The following SPAG17 variants were observed in gnomAD, a reference collection of about 807,000 sequenced individuals.
SPAG17 encodes the protein sperm associated antigen 17.
In SPAG17, 169 loss-of-function variants were observed where a neutral mutation model predicts 273.6. That is an observed-to-expected ratio of 0.62 (90% CI 0.55 to 0.70). SPAG17 has a LOEUF of 0.70. Ranked by LOEUF, SPAG17 falls within the 30% of genes least tolerant of loss-of-function variation. The pLI, the probability that SPAG17 is intolerant of heterozygous loss-of-function variation, is 0.00. For missense variants in SPAG17, 2,557 were observed against 2,627.8 expected, an observed-to-expected ratio of 0.97 and a Z score of 0.59; for synonymous variants, 825 against 873.2, an observed-to-expected ratio of 0.94 and a Z score of 0.97.
intron 24 of SPAG17, among the ~76,000 whole-genome samples, chr1:118,033,378 A>G (rs1052578849): frequency 5.9e-5 from 9 of 152,200 alleles, no homozygotes; most frequent in African/African-American, 2.2e-4. Context: ...AGACATTGAG[A>G]TCATTTGCAT....
At chr1:118,106,634 A>G (rs1257452722) in intron 4 of SPAG17, among the ~76,000 whole-genome samples, 1 of 152,202 alleles carries the variant, frequency 6.6e-6, no homozygotes, top group African/African-American at 2.4e-5. Flanking sequence ...ACATACCAGA[A>G]ACTTTTACAA....
chr1:118,135,100 C>T (rs984150040), intron 3 of SPAG17, among the ~76,000 whole-genome samples: 3 of 152,154 alleles, frequency 2.0e-5, no homozygotes, highest in African/African-American at 7.2e-5. Context: ...AGAATTAGCA[C>T]ACAAATTACC....
chr1:118,047,846 C>T (rs963394815), intron 20 of SPAG17, among the ~76,000 whole-genome samples: 2 of 152,258 alleles, frequency 1.3e-5, no homozygotes, highest in South Asian at 2.1e-4. Context: ...ACAGACTCCA[C>T]AGTGCCAGGC....
At chr1:118,182,230 C>T in intron 1 of SPAG17, among the ~76,000 whole-genome samples, 1 of 151,884 alleles carries the variant, frequency 6.6e-6, no homozygotes, top group East Asian at 1.9e-4. Flanking sequence ...ACATGAAGTA[C>T]CTAAAGTAGT....
At chr1:118,000,303 T>A (rs12037931) in intron 32 of SPAG17, among the ~76,000 whole-genome samples, 67 of 152,282 alleles carry the variant, frequency 4.4e-4, no homozygotes, top group African/African-American at 1.4e-3. Context: ...CTTGGCAATG[T>A]GGGCTCTTTC....
intron 42 of SPAG17, among the ~76,000 whole-genome samples, 157 bp from the exon 43 acceptor site, chr1:117,981,558 T>C (rs1366620992): frequency 1.3e-5 from 2 of 152,216 alleles, no homozygotes; most frequent in Non-Finnish European, 2.9e-5. Flanking sequence ...AAGAAAGCCA[T>C]TAAGAGGCAG....
At chr1:118,005,739 A>T in intron 31 of SPAG17, 137 bp from the exon 32 acceptor site, 1 of 585,328 alleles carries the variant, frequency 1.7e-6, no homozygotes, top group Non-Finnish European at 2.7e-6. Flanking sequence ...ACATTAATCA[A>T]GGGAGGACTT....
chr1:118,001,396 T>C (rs776957155), intron 32 of SPAG17, among the ~76,000 whole-genome samples: 1 of 152,238 alleles, frequency 6.6e-6, no homozygotes, highest in African/African-American at 2.4e-5. Flanking sequence ...GAAGGAATGG[T>C]ACCAGGTCCT....
chr1:118,110,215 T>A (rs911093696), intron 4 of SPAG17, among the ~76,000 whole-genome samples: 4 of 152,184 alleles, frequency 2.6e-5, no homozygotes, highest in African/African-American at 9.7e-5. Flanking sequence ...AAAATTATGA[T>A]AGTCAATAAA....
rs1206938226 is a variant in SPAG17, at chr1:117,954,751, CTT to C, written c.*1-704_*1-703del. On this transcript the variant is annotated intron_variant, in intron 48 of 48. Coordinates refer to ENST00000336338, the MANE Select transcript of SPAG17 (RefSeq NM_206996.4). ...GGGAATACTTTGTCTTCAAAAGTCT[CTT>C]TTGAATCTTGGCATTCTCTAGGATA... is the stretch of plus-strand genomic sequence containing the variant. The C allele has an allele frequency of 3.9e-6, 4 of 1,033,364 alleles. No homozygotes were observed. The African/African-American group carries it at 4.9e-5, about 13-fold the overall frequency. The allele number at this position is 1,033,364 out of a possible 1,614,324, so 64.0% of individuals were successfully genotyped here. A position where few individuals can be genotyped will look rare whatever the true frequency, so the allele number is the denominator to read the frequency against.
Position 117,996,353 on chromosome 1 carries a change from C to G in SPAG17, c.5053+17G>C, listed in dbSNP as rs751963139. ...GCAAAGAGACACCGTGCATTCCAGA[C>G]AGTATGGGTCCTCTACCTGGCTGTT... On this transcript the variant is annotated intron_variant, in intron 34 of 48. Coordinates refer to ENST00000336338, the MANE Select transcript of SPAG17 (RefSeq NM_206996.4). 1.9e-5 allele frequency: 31 copies of G among 1,604,678 alleles called. No homozygotes were observed. The highest frequency in any genetic ancestry group is 2.0e-5 in the Non-Finnish European group (24 of 1,175,746).
chr1:118,099,091 C>T (rs1655895467), intron 6 of SPAG17, among the ~76,000 whole-genome samples: 1 of 152,160 alleles, frequency 6.6e-6, no homozygotes, highest in Middle Eastern at 3.4e-3. Flanking sequence ...CCTCAAGGCT[C>T]AAAATGGCTA....
Position 118,036,833 on chromosome 1 carries a change from C to A in SPAG17, c.3370G>T (p.Ala1124Ser), listed in dbSNP as rs1649146381. Residue 1124 changes from alanine to serine, a missense_variant, in exon 24 of 49, where the codon GCC becomes TCC. By Grantham distance (99) the Ala-to-Ser change is moderately conservative. Transcript: ENST00000336338. ...AGGCAGATTCCATTTTCTAAGGTGG[C>A]AGAAAAAGATCCAAACTTGCTGAAA... ...KAFSKFGSFS[A>S]TLENGICLSI... 3.2e-6 allele frequency: 5 copies of A among 1,561,922 alleles called. No homozygotes were observed. Among genetic ancestry groups the A allele is most frequent in the African/African-American group, 1.4e-5 (1 of 73,768 alleles).
At position 118,073,613 on chromosome 1, in the gene SPAG17, CT is replaced by C. The variant is rs577000376; in HGVS notation, c.2385+240del. Among the ~76,000 whole-genome samples, 943 of 152,082 alleles carry C rather than the reference CT, an allele frequency of 6.2e-3. 9 individuals are homozygous for C. The highest frequency in any genetic ancestry group is 0.029 in the South Asian group (140 of 4,808). ...ATATATGCAGCAGTCTTGTATATTT[CT>C]TTTTTTCTTAAAATATTTTATAAAA... On this transcript the variant is annotated intron_variant, in intron 17 of 48. Coordinates refer to ENST00000336338, the MANE Select transcript of SPAG17 (RefSeq NM_206996.4).
intron 45 of SPAG17, 197 bp downstream of exon 45, chr1:117,971,640 GGGCAAGGAAGTATCTACCATATAATT>G: frequency 8.0e-6 from 3 of 375,860 alleles, no homozygotes; most frequent in Middle Eastern, 7.0e-4. Context: ...ATGACTAGGA[GGGCAAGGAAGTATCTACCATATAATT>G]GGAACCCGAT....
intron 1 of SPAG17, among the ~76,000 whole-genome samples, chr1:118,163,587 G>C (rs1660030740): frequency 7.1e-6 from 1 of 141,720 alleles, no homozygotes; most frequent in Non-Finnish European, 1.5e-5. Context: ...CTCTAACTGT[G>C]TTCCTTCAAT....
chr1:117,990,733 C>T, intron 38 of SPAG17, 128 bp downstream of exon 38: 1 of 560,242 alleles, frequency 1.8e-6, no homozygotes, highest in Non-Finnish European at 3.2e-6. Flanking sequence ...CACAACATGG[C>T]CGATACAAGA....
intron 3 of SPAG17, among the ~76,000 whole-genome samples, chr1:118,146,727 A>C (rs989400388): frequency 7.2e-5 from 11 of 152,114 alleles, no homozygotes; most frequent in African/African-American, 2.7e-4. Context: ...AAAGTAGAAA[A>C]ACTTGGTGCT....
chr1:117,999,135 C>T lies in SPAG17; in HGVS notation c.4777-2392G>A, dbSNP rs907597972. On this transcript the variant is annotated intron_variant, in intron 32 of 48. Transcript: ENST00000336338. ...TGAGAATGATGTTTCCAGTTTCATC[C>T]ATGTCCCTCCAAAGGACATTAACTA... 2.6e-5 allele frequency among the ~76,000 whole-genome samples: 4 copies of T among 152,216 alleles called. No homozygotes were observed. The South Asian group carries it at 8.3e-4, about 32-fold the overall frequency.
Sources: allele counts gnomAD v4.1 joint callset (sites outside exome capture counted in the v4.1 genomes callset), GRCh38; gene constraint gnomAD v4.1.1; transcripts MANE v1.5; gene names NCBI Gene and HGNC (gene_info 2026-07-23, HGNC 2026-07-21).